MITF: variants seen among roughly 807,000 people sequenced by gnomAD.
MITF encodes the protein melanocyte inducing transcription factor.
In MITF, 17 loss-of-function variants were observed where a neutral mutation model predicts 60.5. That is an observed-to-expected ratio of 0.28 (90% CI 0.19 to 0.42). MITF has a LOEUF of 0.42. Ranked by LOEUF, MITF falls within the 10% of genes least tolerant of loss-of-function variation. The pLI, the probability that MITF is intolerant of heterozygous loss-of-function variation, is 1.00. For synonymous variants in MITF, 260 were observed against 248.5 expected (o/e 1.05, Z -0.43); for missense variants, 622 against 683.5 (o/e 0.91, Z 1.00).
intron 8 of MITF, 136 bp from the exon 9 acceptor site, chr3:69,959,137 A>G (rs2066475413): frequency 1.6e-5 from 17 of 1,038,190 alleles, no homozygotes; most frequent in Middle Eastern, 2.8e-4. Flanking sequence ...GTAACCAAGC[A>G]CCACCTGTTC....
At chr3:69,807,089 T>G (rs1184017994) in intron 1 of MITF, among the ~76,000 whole-genome samples, 1 of 152,232 alleles carries the variant, frequency 6.6e-6, no homozygotes, top group African/African-American at 2.4e-5. Flanking sequence ...TCTTCTTGGC[T>G]GGGGGAGCCC....
intron 2 of MITF, among the ~76,000 whole-genome samples, chr3:69,931,941 T>C (rs1055356158): frequency 6.6e-6 from 1 of 152,242 alleles, no homozygotes; most frequent in Non-Finnish European, 1.5e-5. Context: ...TTCTGTTTTC[T>C]TTAGCTTTAA....
intron 2 of MITF, among the ~76,000 whole-genome samples, chr3:69,894,578 G>A (rs528620979): frequency 7.3e-5 from 11 of 151,698 alleles, no homozygotes; most frequent in Admixed American, 5.2e-4. Flanking sequence ...CCCTGCTACT[G>A]GGGAGGCTGA....
At chr3:69,804,151 A>C (rs1451222341) in intron 1 of MITF, among the ~76,000 whole-genome samples, 1 of 152,236 alleles carries the variant, frequency 6.6e-6, no homozygotes, top group Non-Finnish European at 1.5e-5. Flanking sequence ...TGGGACAGCC[A>C]ACTCTGTGAT....
intron 1 of MITF, among the ~76,000 whole-genome samples, chr3:69,842,275 G>A (rs1351711485): frequency 6.6e-6 from 1 of 152,126 alleles, no homozygotes; most frequent in Non-Finnish European, 1.5e-5. Context: ...AATGGGGCTA[G>A]GAGCACAATG....
chr3:69,886,939 A>G (rs1038221603), intron 2 of MITF, among the ~76,000 whole-genome samples: 8 of 152,206 alleles, frequency 5.3e-5, no homozygotes, highest in Admixed American at 3.9e-4. Flanking sequence ...AGTATTTACT[A>G]ATATATTTGC....
intron 1 of MITF, among the ~76,000 whole-genome samples, chr3:69,740,014 C>A (rs1431818960): frequency 6.6e-6 from 1 of 151,786 alleles, no homozygotes; most frequent in African/African-American, 2.4e-5. Flanking sequence ...AGCGACCTGG[C>A]GCGATGTGGG....
At chr3:69,840,470 G>T (rs1216612820) in intron 1 of MITF, among the ~76,000 whole-genome samples, 1 of 151,788 alleles carries the variant, frequency 6.6e-6, no homozygotes. Context: ...AGAAAGGGAA[G>T]AATAAAATGT....
At chr3:69,826,983 G>A (rs1438439031) in intron 1 of MITF, among the ~76,000 whole-genome samples, 1 of 152,096 alleles carries the variant, frequency 6.6e-6, no homozygotes, top group Admixed American at 6.6e-5. Flanking sequence ...TCTAGGTACT[G>A]GGGACAGGAA....
intron 2 of MITF, among the ~76,000 whole-genome samples, chr3:69,912,560 C>G (rs564296405): frequency 6.6e-6 from 1 of 152,272 alleles, no homozygotes; most frequent in South Asian, 2.1e-4. Context: ...CTATCATAAT[C>G]TTTTAGGACA....
At chr3:69,750,383 C>CTTTTT (rs72318666) in intron 1 of MITF, among the ~76,000 whole-genome samples, 2 of 113,898 alleles carry the variant, frequency 1.8e-5, no homozygotes, top group African/African-American at 6.8e-5. Context: ...TAGAGCTTTC[C>CTTTTT]TTTTTTTTTT....
At chr3:69,773,516 C>G (rs1466143888) in intron 1 of MITF, among the ~76,000 whole-genome samples, 1 of 152,106 alleles carries the variant, frequency 6.6e-6, no homozygotes, top group Non-Finnish European at 1.5e-5. Flanking sequence ...TCCTTAGCTT[C>G]AATTTTATTC....
chr3:69,952,540 T>A (rs2066283560), intron 7 of MITF, among the ~76,000 whole-genome samples: 1 of 152,136 alleles, frequency 6.6e-6, no homozygotes, highest in Non-Finnish European at 1.5e-5. Context: ...GAATTTCTCA[T>A]CTCATGGCCT....
At chr3:69,840,691 G>T (rs2063620076) in intron 1 of MITF, among the ~76,000 whole-genome samples, 1 of 151,612 alleles carries the variant, frequency 6.6e-6, no homozygotes, top group South Asian at 2.1e-4. Context: ...GTCATCATTT[G>T]TCAGTATTTC....
At chr3:69,779,147 G>C (rs1406342936) in intron 1 of MITF, 1 of 152,174 alleles carries the variant, frequency 6.6e-6, no homozygotes, top group African/African-American at 2.4e-5. Context: ...GTTGGTGACT[G>C]TTTTAGCTAA....
intron 1 of MITF, among the ~76,000 whole-genome samples, chr3:69,830,232 T>C (rs1246412893): frequency 1.3e-5 from 2 of 152,174 alleles, no homozygotes; most frequent in Admixed American, 1.3e-4. Context: ...AAGAGCCTTC[T>C]GCAGTTTGGC....
chr3:69,771,038 C>T (rs900577534), intron 1 of MITF, among the ~76,000 whole-genome samples: 1 of 152,200 alleles, frequency 6.6e-6, no homozygotes. Context: ...AACCGCTTCT[C>T]TCATGTGTGA....
At chr3:69,942,763 A>C (rs528889780) in intron 5 of MITF, among the ~76,000 whole-genome samples, 33 of 152,282 alleles carry the variant, frequency 2.2e-4, no homozygotes, top group Non-Finnish European at 3.8e-4. Flanking sequence ...TCTAGCACTC[A>C]GAATCCTAGG....
At chr3:69,873,431 A>ATTTCTT (rs2064282167) in intron 1 of MITF, among the ~76,000 whole-genome samples, 1 of 152,068 alleles carries the variant, frequency 6.6e-6, no homozygotes. Flanking sequence ...ATTGTTAAGA[A>ATTTCTT]TTTCTTTTTG....
Sources: gnomAD v4.1 joint callset for allele counts (sites outside exome capture counted in the v4.1 genomes callset) on GRCh38, gnomAD v4.1.1 for gene constraint, MANE v1.5 for transcripts, NCBI Gene and HGNC (gene_info 2026-07-23, HGNC 2026-07-21) for gene names.